Variants in SSPN observed in about 807,000 individuals in gnomAD.
The protein encoded by SSPN is K-ras oncogene-associated protein.
In SSPN, 15 loss-of-function variants were observed where a neutral mutation model predicts 19.1. That is an observed-to-expected ratio of 0.78 (90% CI 0.52 to 1.21). The LOEUF (loss-of-function observed/expected upper bound fraction) is 1.21, where lower values mean the gene tolerates loss of function less well. Ranked by LOEUF, SSPN falls within the 50% of genes most tolerant of loss-of-function variation. The pLI is 0.00. For synonymous variants in SSPN, 147 were observed against 140.3 expected, an observed-to-expected ratio of 1.05 and a Z score of -0.34; for missense variants, 291 against 314.0, an observed-to-expected ratio of 0.93 and a Z score of 0.55.
At chr12:26,167,060 AAT>A (rs1222362464) in intron 1 of SSPN, among the ~76,000 whole-genome samples, 3 of 152,236 alleles carry the variant, frequency 2.0e-5, no homozygotes, top group African/African-American at 7.2e-5. Flanking sequence ...TGAAAAATAA[AAT>A]AGTTATGTTA....
intron 1 of SSPN, chr12:26,122,216 G>A (rs1944313249): frequency 7.6e-7 from 1 of 1,319,488 alleles, no homozygotes; most frequent in Non-Finnish European, 9.6e-7. Flanking sequence ...CGTGCGGCAG[G>A]AGGGTCGCGG....
Position 26,232,471 on chromosome 12 carries a change from G to A in SSPN, c.*1395G>A. ...ATAAATGGTATCAAGAACTTTATCA[G>A]TATGCTTTGTTGAAAGCAGAAATTA... On this transcript the variant is annotated 3_prime_UTR_variant, in exon 3 of 3. Coordinates refer to ENST00000242729, the MANE Select transcript of SSPN (RefSeq NM_005086.5). The A allele has an allele frequency of 1.0e-6, 1 of 985,410 alleles. No individual in the cohort carries two copies. Among genetic ancestry groups the A allele is most frequent in the Non-Finnish European group, 1.2e-6 (1 of 829,900 alleles). 61.0% of individuals were successfully genotyped at this position (985,410 alleles called of 1,614,324 possible).
Position 26,232,757 on chromosome 12 carries a change from C to T in SSPN, c.*1681C>T. The T allele has an allele frequency of 1.0e-6, 1 of 976,020 alleles. No individual in the cohort carries two copies. Among genetic ancestry groups the T allele is most frequent in the East Asian group, 1.1e-4 (1 of 8,746 alleles). The allele number at this position is 976,020 out of a possible 1,614,324, so 60.5% of individuals were successfully genotyped here. A position where few individuals can be genotyped will look rare whatever the true frequency, so the allele number is the denominator to read the frequency against. ...AACACCCGATTAACAGATGTTAAAC[C>T]TTTTAATGTTTTGATTTGCTTTAAA... On this transcript the variant is annotated 3_prime_UTR_variant, in exon 3 of 3. Transcript: ENST00000242729.
At chr12:26,220,235 C>A in intron 1 of SSPN, among the ~76,000 whole-genome samples, 1 of 99,476 alleles carries the variant, frequency 1.0e-5, no homozygotes. Context: ...TTACAACATG[C>A]AAAGCTGTAG....
At chr12:26,133,483 G>T (rs1476615144) in intron 1 of SSPN, among the ~76,000 whole-genome samples, 1 of 152,150 alleles carries the variant, frequency 6.6e-6, no homozygotes, top group Non-Finnish European at 1.5e-5. Flanking sequence ...TAGTAAGGAA[G>T]ATAAAAACCA....
intron 1 of SSPN, among the ~76,000 whole-genome samples, chr12:26,147,481 G>C (rs544136749): frequency 6.6e-6 from 1 of 152,136 alleles, no homozygotes; most frequent in African/African-American, 2.4e-5. Flanking sequence ...ATGTTGGCCA[G>C]GTTGGTCTTG....
chr12:26,175,322 CT>C (rs1355178661), intron 1 of SSPN, among the ~76,000 whole-genome samples: 3 of 152,168 alleles, frequency 2.0e-5, no homozygotes, highest in Non-Finnish European at 4.4e-5. Context: ...TTCTCAGGTG[CT>C]TATTTGCCAT....
At chr12:26,147,332 G>A (rs1180888536) in intron 1 of SSPN, among the ~76,000 whole-genome samples, 12 of 150,544 alleles carry the variant, frequency 8.0e-5, no homozygotes. Flanking sequence ...TAGTACAATG[G>A]CATGATCTTG....
chr12:26,122,062 G>C (rs1944310294), exon 1 of SSPN: 1 of 1,549,542 alleles, frequency 6.5e-7, no homozygotes, highest in South Asian at 1.2e-5. Context: ...CGGGACGCAA[G>C]GATTCAGGGA....
intron 1 of SSPN, among the ~76,000 whole-genome samples, chr12:26,134,146 C>G (rs1034190898): frequency 7.2e-5 from 11 of 152,234 alleles, no homozygotes; most frequent in Admixed American, 7.2e-4. Context: ...CTCTGCCCCC[C>G]TTTCTAGAAT....
At chr12:26,124,061 G>C (rs756068658) in intron 1 of SSPN, 17 of 1,547,840 alleles carry the variant, frequency 1.1e-5, no homozygotes, top group Non-Finnish European at 1.4e-5. Context: ...GAATGAAAAT[G>C]TGCATCTTAC....
At chr12:26,229,929 C>T (rs1250980861) in intron 2 of SSPN, among the ~76,000 whole-genome samples, 1 of 152,194 alleles carries the variant, frequency 6.6e-6, no homozygotes, top group Non-Finnish European at 1.5e-5. Flanking sequence ...TTCAGAGTTC[C>T]CACAGCCCTG....
intron 1 of SSPN, among the ~76,000 whole-genome samples, chr12:26,189,304 A>C (rs1481063625): frequency 1.3e-5 from 2 of 152,212 alleles, no homozygotes; most frequent in African/African-American, 4.8e-5. Flanking sequence ...GGGATAGGAT[A>C]TGGAAGTAGA....
intron 1 of SSPN, among the ~76,000 whole-genome samples, chr12:26,203,141 C>T (rs937980501): frequency 1.3e-5 from 2 of 152,134 alleles, no homozygotes; most frequent in Admixed American, 1.3e-4. Context: ...CCAGGTTTCC[C>T]CCTCAACACA....
chr12:26,130,066 C>T (rs1018566556), intron 1 of SSPN, among the ~76,000 whole-genome samples: 9 of 152,220 alleles, frequency 5.9e-5, no homozygotes, highest in Non-Finnish European at 1.3e-4. Context: ...GAGGTGGATC[C>T]ATAATGAGAC....
At chr12:26,172,415 C>A (rs930741990) in intron 1 of SSPN, among the ~76,000 whole-genome samples, 1 of 152,188 alleles carries the variant, frequency 6.6e-6, no homozygotes, top group Non-Finnish European at 1.5e-5. Flanking sequence ...ACCATCACAA[C>A]TCTGCATAAT....
chr12:26,153,424 T>C (rs190676840), intron 1 of SSPN, among the ~76,000 whole-genome samples: 1 of 152,332 alleles, frequency 6.6e-6, no homozygotes, highest in Admixed American at 6.5e-5. Flanking sequence ...TCTATTTGTT[T>C]TCTTATTTCC....
intron 1 of SSPN, among the ~76,000 whole-genome samples, chr12:26,197,046 G>T (rs1266507568): frequency 6.6e-6 from 1 of 152,186 alleles, no homozygotes; most frequent in Non-Finnish European, 1.5e-5. Flanking sequence ...TGAGGAAATA[G>T]GCTAAGAGAA....
intron 1 of SSPN, among the ~76,000 whole-genome samples, chr12:26,172,420 C>A (rs1226030653): frequency 6.6e-6 from 1 of 152,184 alleles, no homozygotes; most frequent in Non-Finnish European, 1.5e-5. Flanking sequence ...CACAACTCTG[C>A]ATAATAGGCT....
Sources: allele counts gnomAD v4.1 joint callset (sites outside exome capture counted in the v4.1 genomes callset), GRCh38; gene constraint gnomAD v4.1.1; transcripts MANE v1.5; gene names NCBI Gene and HGNC (gene_info 2026-07-23, HGNC 2026-07-21).